The following EOLA1 variants were observed in gnomAD, a reference collection of about 807,000 sequenced individuals.
The protein encoded by EOLA1 is endothelium and lymphocyte associated ASCH domain 1.
In EOLA1, 1 loss-of-function variant was observed where a neutral mutation model predicts 4.5. That is an observed-to-expected ratio of 0.22 (90% confidence interval 0.08 to 1.05). The LOEUF (loss-of-function observed/expected upper bound fraction) is 1.05, where lower values mean the gene tolerates loss of function less well. Among genes scored for constraint, EOLA1 ranks in the 50% least tolerant of loss-of-function variants. EOLA1 has a pLI of 0.57. For missense variants in EOLA1, 69 were observed against 127.2 expected, an observed-to-expected ratio of 0.54 and a Z score of 2.20; for synonymous variants, 37 against 52.3, an observed-to-expected ratio of 0.71 and a Z score of 1.26.
intron 2 of EOLA1, chrX:149,544,890 T>C (rs571428): frequency 4.0e-6 from 3 of 753,768 alleles, no homozygotes; most frequent in Non-Finnish European, 4.7e-6. Flanking sequence ...GGCATGTGTG[T>C]GGGGTTGCTA....
In EOLA1 at chrX:149,547,598, G is replaced by A. The variant is rs1161305609; in HGVS notation, c.*636G>A. 3 of 199,735 alleles carry A rather than the reference G, an allele frequency of 1.5e-5. No individual in the cohort carries two copies. Among genetic ancestry groups the A allele is most frequent in the African/African-American group, 1.1e-4 (3 of 27,880 alleles). The allele number at this position is 199,735 out of a possible 1,213,427, so 16.5% of individuals were successfully genotyped here. On this transcript the variant is annotated 3_prime_UTR_variant, in exon 5 of 5. Coordinates refer to ENST00000393985, the MANE Select transcript of EOLA1 (RefSeq NM_001171907.3). ...CATCACACAGCTACTTCCTATCCTA[G>A]CAATACATCCAAAATACAGCTCTAG...
chrX:149,547,484 C>T lies in EOLA1; in HGVS notation c.*522C>T, dbSNP rs3827475. On this transcript the variant is annotated 3_prime_UTR_variant, in exon 5 of 5. Coordinates refer to ENST00000393985, the MANE Select transcript of EOLA1 (RefSeq NM_001171907.3). The stretch of plus-strand genomic sequence containing the variant: ...ACCGACTCATCCAGGATGAAGAGGA[C>T]GTCAGACTTAGAGCAGCTGTCTGTC... 0.016 allele frequency: 6,711 copies of T among 416,362 alleles called. 438 individuals are homozygous for T. The East Asian group carries it at 0.23, about 14-fold the overall frequency. 34.3% of individuals were successfully genotyped at this position (416,362 alleles called of 1,213,427 possible).
chrX:149,549,332 A>G, downstream of EOLA1: 1 of 1,129,516 alleles, frequency 8.9e-7, no homozygotes, highest in Non-Finnish European at 1.2e-6. Context: ...TGTTTGAGAA[A>G]GAGAGAAAAG....
At position 149,545,515 on chromosome X, in the gene EOLA1, G is replaced by A; in HGVS notation, c.-30+15G>A. 1.7e-6 allele frequency: 2 copies of A among 1,147,248 alleles called. No homozygotes were observed. Among genetic ancestry groups the A allele is most frequent in the African/African-American group, 3.6e-5 (2 of 56,137 alleles). 94.5% of individuals were successfully genotyped at this position (1,147,248 alleles called of 1,213,427 possible). A position where few individuals can be genotyped will look rare whatever the true frequency, so the allele number is the denominator to read the frequency against. On this transcript the variant is annotated intron_variant, in intron 3 of 4. Transcript: ENST00000393985. ...AGACCATCAAGGTCAGTGCGATTTA[G>A]GCCACCTGAGAGACACGGGGGGAAG...
intron 2 of EOLA1, among the ~76,000 whole-genome samples, chrX:149,542,464 C>T (rs1489269560): frequency 9.1e-6 from 1 of 109,640 alleles, no homozygotes; most frequent in African/African-American, 3.4e-5. Flanking sequence ...CAGATATCAG[C>T]ATCTTAGATG....
At chrX:149,546,028 G>A (rs1387984898) in intron 4 of EOLA1, 145 bp downstream of exon 4, 49 of 768,608 alleles carry the variant, frequency 6.4e-5, no homozygotes, top group Non-Finnish European at 8.3e-5. Context: ...TCAAAGGGGC[G>A]GCAAGGACCT....
Position 149,545,732 on chromosome X carries a change from G to A in EOLA1, c.102G>A (p.Gln34=), listed in dbSNP as rs144189124. 1.5e-5 allele frequency: 18 copies of A among 1,210,751 alleles called. No homozygotes were observed. The African/African-American group carries it at 2.4e-4, about 16-fold the overall frequency. ...ETRWRPLLSS[Q]RNCTIAVHIA... ...GCTGGCGTCCCCTGCTGAGCAGCCA[G>A]CGGAACTGTACCATCGCCGTCCACA... Residue 34 remains glutamine, a synonymous_variant, in exon 4 of 5, where the codon CAG becomes CAA. Transcript: ENST00000393985.
intron 2 of EOLA1, 114 bp downstream of exon 2, chrX:149,542,199 G>C (rs1208617600): frequency 5.1e-6 from 1 of 194,785 alleles, no homozygotes; most frequent in African/African-American, 3.1e-5. Flanking sequence ...ACGAGAAAAG[G>C]GTTGGCTAAG....
chrX:149,549,663 CT>C (rs2089899068), downstream of EOLA1: 1 of 784,369 alleles, frequency 1.3e-6, no homozygotes, highest in African/African-American at 2.5e-5. Flanking sequence ...TGGTTTCGGT[CT>C]TCTGGTGGTG....
At position 149,548,135 on chromosome X, in the gene EOLA1, G is replaced by C. The variant is rs1306440544; in HGVS notation, c.*1173G>C. The C allele has an allele frequency of 4.1e-6, 1 of 242,059 alleles. No individual in the cohort carries two copies. The highest frequency in any genetic ancestry group is 7.0e-6 in the Non-Finnish European group (1 of 142,384). 19.9% of individuals were successfully genotyped at this position (242,059 alleles called of 1,213,427 possible). On this transcript the variant is annotated 3_prime_UTR_variant, in exon 5 of 5. Coordinates refer to ENST00000393985, the MANE Select transcript of EOLA1 (RefSeq NM_001171907.3). Reference sequence around the variant, plus strand: ...TGGGGACCAAAGCCTGTCTTGGACAGGATTTCCAGCCTCCCCTGGTTTCTG... The same window carrying C: ...TGGGGACCAAAGCCTGTCTTGGACACGATTTCCAGCCTCCCCTGGTTTCTG...
At chrX:149,548,988 T>C (rs1557348452), downstream of EOLA1, 2 of 261,804 alleles carry the variant, frequency 7.6e-6, no homozygotes, top group African/African-American at 6.2e-5. Flanking sequence ...GATTTTGTTT[T>C]GCAATGGAGA....
chrX:149,542,404 G>A (rs1444381776), intron 2 of EOLA1, among the ~76,000 whole-genome samples: 5 of 108,732 alleles, frequency 4.6e-5, no homozygotes, highest in African/African-American at 1.7e-4. Context: ...CACCATGGAT[G>A]GGTTGGTGGA....
intron 2 of EOLA1, chrX:149,544,470 C>T (rs1172721936): frequency 1.5e-5 from 11 of 736,652 alleles, no homozygotes; most frequent in East Asian, 3.1e-4. Context: ...GGGCCGGGGG[C>T]GGGGCCACGG....
intron 1 of EOLA1, chrX:149,541,694 G>C: frequency 1.6e-6 from 1 of 615,907 alleles, no homozygotes; most frequent in Non-Finnish European, 2.0e-6. Flanking sequence ...CTCGCCCCGT[G>C]ACAATGGGAG....
At chrX:149,552,181 TG>T (rs2089909605), downstream of EOLA1, among the ~76,000 whole-genome samples, 1 of 108,347 alleles carries the variant, frequency 9.2e-6, no homozygotes, top group Non-Finnish European at 1.9e-5. Flanking sequence ...AGGCCTTGCC[TG>T]TCACATGATC....
rs1427867831 is a variant in EOLA1 at position 149,543,718 on chromosome X, G to A, written c.-163+1633G>A. Among the ~76,000 whole-genome samples the A allele has an allele frequency of 4.5e-5, 4 of 89,492 alleles. 1 individual carries two copies. Among genetic ancestry groups the A allele is most frequent in the Middle Eastern group, 0.012 (2 of 161 alleles). 77.7% of individuals were successfully genotyped at this position (89,492 alleles called of 115,157 possible). A position where few individuals can be genotyped will look rare whatever the true frequency, so the allele number is the denominator to read the frequency against. On this transcript the variant is annotated intron_variant, in intron 2 of 4. Transcript: ENST00000393985. ...AGCTGGTGATGCCACTCACAGAGGT[G>A]GAAGGGAGGTGGACTTGGTGGTGAT...
At chrX:149,541,941 T>A in intron 1 of EOLA1, 78 bp from the exon 2 acceptor site, 1 of 626,620 alleles carries the variant, frequency 1.6e-6, no homozygotes, top group Non-Finnish European at 1.9e-6. Context: ...GCTAAGTACA[T>A]GACCTTCTTA....
At chrX:149,545,194 G>A (rs1355834088) in intron 2 of EOLA1, 174 bp from the exon 3 acceptor site, 2 of 578,035 alleles carry the variant, frequency 3.5e-6, no homozygotes, top group East Asian at 3.4e-4. Context: ...CAGGGGAAAG[G>A]GAAGAGAAGC....
Position 149,544,532 on chromosome X carries a change from G to C in EOLA1, c.-162-836G>C, listed in dbSNP as rs1175023268. The C allele has an allele frequency of 4.0e-6, 3 of 750,513 alleles. No individual in the cohort carries two copies. The African/African-American group carries it at 7.1e-5, about 18-fold the overall frequency. 61.9% of individuals were successfully genotyped at this position (750,513 alleles called of 1,213,427 possible). On this transcript the variant is annotated intron_variant, in intron 2 of 4. Transcript: ENST00000393985. ...TTCTGACTGTTCTATTAGGTGCCAC[G>C]TACTGGGCTGGGTGCTCTTGGTGCC...
Sources: gnomAD v4.1 joint callset for allele counts (sites outside exome capture counted in the v4.1 genomes callset) on GRCh38, gnomAD v4.1.1 for gene constraint, MANE v1.5 for transcripts, NCBI Gene and HGNC (gene_info 2026-07-23, HGNC 2026-07-21) for gene names.